TJP1: variants seen among roughly 807,000 people sequenced by gnomAD.
TJP1 encodes tight junction protein ZO-1.
A neutral mutation model predicts 194.2 loss-of-function variants in TJP1; 43 were observed. That is an observed-to-expected ratio of 0.22 (90% CI 0.17 to 0.29). TJP1 has a LOEUF of 0.29. TJP1 is among the 10% of genes least tolerant of loss of function. The probability of loss-of-function intolerance (pLI) is 1.00; values close to 1 mark genes in which losing one functional copy is unlikely to be tolerated. For missense variants in TJP1, 1,971 were observed against 2,185.7 expected (o/e 0.90, Z 1.96); for synonymous variants, 801 against 779.0 (o/e 1.03, Z -0.47).
intron 13 of TJP1, 67 bp downstream of exon 13, chr15:29,733,027 G>A (rs2043771730): frequency 5.9e-6 from 9 of 1,522,566 alleles, no homozygotes; most frequent in Non-Finnish European, 7.2e-6. Flanking sequence ...AAATTTCCCA[G>A]TGGGATTGAA....
rs1198823124 is a variant in TJP1, at chr15:29,811,694, A to C, written c.27+10308T>G. 2.6e-5 allele frequency among the ~76,000 whole-genome samples: 4 copies of C among 152,158 alleles called. No individual in the cohort carries two copies. The South Asian group carries it at 8.3e-4, about 32-fold the overall frequency. ...TTTTTCAAAAGTATCTCAGGAACCC[A>C]AGGAACCTTCCTCTGAAACCATAAA... On this transcript the variant is annotated intron_variant, in intron 1 of 27. Transcript: ENST00000614355.
intron 2 of TJP1, among the ~76,000 whole-genome samples, chr15:29,916,186 A>G (rs1026159059): frequency 6.7e-6 from 1 of 149,874 alleles, no homozygotes; most frequent in African/African-American, 2.5e-5. Flanking sequence ...TGGAGGTTGC[A>G]GTGAGATTGC....
chr15:29,774,117 C>T (rs928824991), intron 2 of TJP1, among the ~76,000 whole-genome samples: 1 of 152,078 alleles, frequency 6.6e-6, no homozygotes, highest in African/African-American at 2.4e-5. Context: ...AGACAATATA[C>T]ATTTTCTTAA....
chr15:29,810,726 G>C (rs534492289), intron 1 of TJP1, among the ~76,000 whole-genome samples: 1 of 152,306 alleles, frequency 6.6e-6, no homozygotes, highest in East Asian at 1.9e-4. Flanking sequence ...CCTAGTTTCT[G>C]GGCTCTGGGC....
intron 2 of TJP1, among the ~76,000 whole-genome samples, chr15:29,897,402 C>T (rs1177876962): frequency 6.6e-6 from 1 of 152,186 alleles, no homozygotes; most frequent in Non-Finnish European, 1.5e-5. Flanking sequence ...GATGTCCAGG[C>T]AGAAGTTTGC....
At position 29,720,262 on chromosome 15, in the gene TJP1, G is replaced by C. The variant is rs2042847610; in HGVS notation, c.2763+96C>G. ...AAATTGAAGATTAATTCTTAATCTG[G>C]AGAAAGGACAACATATATATTTTTA... On this transcript the variant is annotated intron_variant, in intron 19 of 27. Transcript: ENST00000614355. 9 of 1,196,272 alleles carry C rather than the reference G, an allele frequency of 7.5e-6. No homozygotes were observed. The South Asian group carries it at 1.1e-4, about 14-fold the overall frequency. 74.1% of individuals were successfully genotyped at this position (1,196,272 alleles called of 1,614,324 possible).
intron 2 of TJP1, among the ~76,000 whole-genome samples, chr15:29,908,980 C>T (rs2053922226): frequency 6.6e-6 from 1 of 151,826 alleles, no homozygotes; most frequent in African/African-American, 2.4e-5. Flanking sequence ...CGGTGAAACC[C>T]CGTCTCTACC....
chr15:29,933,603 T>C (rs2054788980), intron 2 of TJP1, among the ~76,000 whole-genome samples: 2 of 151,948 alleles, frequency 1.3e-5, no homozygotes, highest in South Asian at 2.1e-4. Flanking sequence ...AGAAAACAGA[T>C]TGAAGGGATA....
chr15:29,800,137 G>C (rs1287028506), intron 2 of TJP1, among the ~76,000 whole-genome samples: 1 of 152,138 alleles, frequency 6.6e-6, no homozygotes, highest in East Asian at 1.9e-4. Flanking sequence ...GTCTCACTTC[G>C]GACAAAGTTC....
At chr15:29,742,997 T>C (rs1459361102) in intron 8 of TJP1, 2 of 359,506 alleles carry the variant, frequency 5.6e-6, no homozygotes, top group African/African-American at 4.2e-5. Flanking sequence ...TGAAGAAATA[T>C]ATCTATAATA....
chr15:29,784,340 T>A (rs1289818088), intron 2 of TJP1, among the ~76,000 whole-genome samples: 2 of 152,092 alleles, frequency 1.3e-5, no homozygotes, highest in Non-Finnish European at 2.9e-5. Flanking sequence ...GCTCTTCTCC[T>A]CCAGGCTGGA....
At chr15:29,764,352 A>C (rs1310536472) in intron 5 of TJP1, among the ~76,000 whole-genome samples, 1 of 152,194 alleles carries the variant, frequency 6.6e-6, no homozygotes, top group Non-Finnish European at 1.5e-5. Context: ...CAAATGCATC[A>C]AAGTAATGAA....
At chr15:29,862,462 C>CA (rs1031275065) in intron 2 of TJP1, among the ~76,000 whole-genome samples, 83 of 149,364 alleles carry the variant, frequency 5.6e-4, no homozygotes, top group African/African-American at 1.4e-3. Context: ...GCAAAACAAA[C>CA]AAAAAAAAAC....
intron 2 of TJP1, among the ~76,000 whole-genome samples, chr15:29,929,901 A>G (rs1394741304): frequency 6.6e-6 from 1 of 152,142 alleles, no homozygotes; most frequent in Non-Finnish European, 1.5e-5. Flanking sequence ...GAATGAAAAA[A>G]TGATTACAAC....
chr15:29,864,157 G>C (rs1324809071), intron 2 of TJP1, among the ~76,000 whole-genome samples: 1 of 151,076 alleles, frequency 6.6e-6, no homozygotes, highest in Non-Finnish European at 1.5e-5. Flanking sequence ...ACTTCGGGAG[G>C]CCGAGGCGGG....
intron 4 of TJP1, among the ~76,000 whole-genome samples, chr15:29,770,836 A>C (rs1313427669): frequency 6.6e-6 from 1 of 151,958 alleles, no homozygotes. Context: ...AAGAAAGAAG[A>C]CTTAAATAAA....
chr15:29,791,867 G>A (rs1250935214), intron 2 of TJP1, among the ~76,000 whole-genome samples: 1 of 152,120 alleles, frequency 6.6e-6, no homozygotes, highest in African/African-American at 2.4e-5. Flanking sequence ...TATCTGATTA[G>A]TGATGTTGAC....
intron 2 of TJP1, among the ~76,000 whole-genome samples, chr15:29,841,436 G>C (rs1354809938): frequency 6.6e-6 from 1 of 152,138 alleles, no homozygotes; most frequent in African/African-American, 2.4e-5. Context: ...CACCCTTCAG[G>C]ACCTATACTT....
At chr15:29,722,991 A>T (rs1373249528) in intron 18 of TJP1, among the ~76,000 whole-genome samples, 1 of 152,192 alleles carries the variant, frequency 6.6e-6, no homozygotes, top group Non-Finnish European at 1.5e-5. Flanking sequence ...GTATTTACCC[A>T]ATGTTTATGT....
Sources: gnomAD v4.1 joint callset for allele counts (sites outside exome capture counted in the v4.1 genomes callset) on GRCh38, gnomAD v4.1.1 for gene constraint, MANE v1.5 for transcripts, NCBI Gene and HGNC (gene_info 2026-07-23, HGNC 2026-07-21) for gene names.